Variants in MSS51 observed in about 807,000 individuals in gnomAD.
The protein encoded by MSS51 is MSS51 mitochondrial translational activator, also known as putative protein MSS51 homolog, mitochondrial.
In MSS51, 32 loss-of-function variants were observed where a neutral mutation model predicts 40.2. That is an observed-to-expected ratio of 0.80 (90% CI 0.60 to 1.07). The LOEUF is 1.07. Ranked by LOEUF, MSS51 falls within the 50% of genes least tolerant of loss-of-function variation. The probability of loss-of-function intolerance (pLI) is 0.00; values close to 1 mark genes in which losing one functional copy is unlikely to be tolerated. For missense variants in MSS51, 518 were observed against 568.9 expected (o/e 0.91, Z 0.91); for synonymous variants, 178 against 214.2 (o/e 0.83, Z 1.48).
Position 73,424,738 on chromosome 10 carries a change from C to T in MSS51, c.1198G>A (p.Val400Met), listed in dbSNP as rs1168843345. 1.9e-6 allele frequency: 3 copies of T among 1,613,880 alleles called. No homozygotes were observed. Among genetic ancestry groups the T allele is most frequent in the African/African-American group, 1.3e-5 (1 of 74,872 alleles). Residue 400 changes from valine (V) to methionine (M), a missense_variant, in exon 7 of 7, where the codon GTG becomes ATG. Physicochemically the swap from Val to Met is conservative, Grantham distance 21 (BLOSUM62 1). Transcript: ENST00000299432. The stretch of plus-strand genomic sequence containing the variant: ...GCAGTGATGTGTGTATCCAGTTCCA[C>T]CAGAATCTGCAAAGAGGATACCAAC... Reference protein sequence around the residue: ...QELVSSLQILVELDTHITAFG... With the variant: ...QELVSSLQILMELDTHITAFG...
In MSS51 at chr10:73,425,146, A is replaced by G. The variant is rs777912286; in HGVS notation, c.1115T>C (p.Leu372Pro). The G allele has an allele frequency of 8.1e-6, 13 of 1,608,486 alleles. No homozygotes were observed. The highest frequency in any genetic ancestry group is 1.1e-5 in the Non-Finnish European group (13 of 1,178,386). Residue 372 changes from leucine (L) to proline (P), a missense_variant, in exon 6 of 7, where the codon CTG (leucine) becomes CCG (proline). Physicochemically the swap from Leu to Pro is moderately conservative, Grantham distance 98 (BLOSUM62 -3). Coordinates refer to ENST00000299432, the MANE Select transcript of MSS51 (RefSeq NM_001024593.2). ...AATCTTATAGTCACGAAGTAGCAGC[A>G]GGGTGGGCAGCCAAGCCTCCATCAA... ...PDLMEAWLPTLLLLRDYKIPT... is the reference protein window; with the variant it reads ...PDLMEAWLPTPLLLRDYKIPT...
In MSS51 at chr10:73,425,838, G is replaced by T; in HGVS notation, c.1042C>A (p.Pro348Thr). Residue 348 changes from proline to threonine, a missense_variant, in exon 5 of 7, where the codon CCA becomes ACA. By Grantham distance (38) the Pro-to-Thr change is conservative. Transcript: ENST00000299432. ...EQVETGQTHH[P>T]DLVAAFHPGF... ...GGATGGAATGCCGCCACCAAATCTG[G>T]ATGGTGTGTCTGCCCGGTCTCTACT... 6.2e-7 allele frequency: 1 copy of T among 1,613,874 alleles called. No individual in the cohort carries two copies. Among genetic ancestry groups the T allele is most frequent in the Non-Finnish European group, 8.5e-7 (1 of 1,179,878 alleles).
Position 73,427,775 on chromosome 10 carries a change from A to G in MSS51, c.222-7T>C, listed in dbSNP as rs758958955. 1.9e-6 allele frequency: 3 copies of G among 1,613,456 alleles called. No individual in the cohort carries two copies. Among genetic ancestry groups the G allele is most frequent in the Non-Finnish European group, 2.5e-6 (3 of 1,179,614 alleles). ...ACCCCCATCTACCACCAACCTGCAG[A>G]GACAGCATGGAGAAGGAATGACAAT... On this transcript the variant is annotated splice_region_variant and splice_polypyrimidine_tract_variant and intron_variant, in intron 2 of 6. Transcript: ENST00000299432.
Position 73,424,909 on chromosome 10 carries a change from C to T in MSS51, c.1164-137G>A, listed in dbSNP as rs2055970387. The T allele has an allele frequency of 7.5e-6, 6 of 799,752 alleles. No individual in the cohort carries two copies. The East Asian group carries it at 1.6e-4, about 21-fold the overall frequency. The allele number at this position is 799,752 out of a possible 1,614,324, so 49.5% of individuals were successfully genotyped here. A position where few individuals can be genotyped will look rare whatever the true frequency, so the allele number is the denominator to read the frequency against. ...CTGGACTAGGCAAGGGCTATCTTTC[C>T]CTCCCAAATGTCTCATTAAATATTC... On this transcript the variant is annotated intron_variant, in intron 6 of 6. Coordinates refer to ENST00000299432, the MANE Select transcript of MSS51 (RefSeq NM_001024593.2).
At chr10:73,432,360 G>C (rs756727899) in intron 1 of MSS51, among the ~76,000 whole-genome samples, 1 of 151,938 alleles carries the variant, frequency 6.6e-6, no homozygotes, top group Non-Finnish European at 1.5e-5. Flanking sequence ...CTTAAACCTT[G>C]AAAGAATGAC....
chr10:73,424,412 C>T lies in MSS51; in HGVS notation c.*141G>A, dbSNP rs1228951016. 7.4e-6 allele frequency: 5 copies of T among 678,810 alleles called. No individual in the cohort carries two copies. The highest frequency in any genetic ancestry group is 1.3e-5 in the Non-Finnish European group (5 of 386,962). 42.0% of individuals were successfully genotyped at this position (678,810 alleles called of 1,614,324 possible). ...AGAAACCAGTTATGTTATACAGAAA[C>T]TCTCATTCAGCTTAGAATTTTTACC... On this transcript the variant is annotated 3_prime_UTR_variant, in exon 7 of 7. Transcript: ENST00000299432.
chr10:73,427,914 CT>C, intron 2 of MSS51, 146 bp from the exon 3 acceptor site: 3 of 1,212,244 alleles, frequency 2.5e-6, no homozygotes, highest in East Asian at 2.5e-5. Context: ...AATGTTTCTT[CT>C]TTTATAGTAA....
At chr10:73,424,886 G>A in intron 6 of MSS51, 114 bp from the exon 7 acceptor site, 1 of 912,160 alleles carries the variant, frequency 1.1e-6, no homozygotes, top group African/African-American at 1.7e-5. Flanking sequence ...GCCTAAGGCT[G>A]GACTAGGCAA....
chr10:73,432,115 T>C (rs2132726329), intron 1 of MSS51, among the ~76,000 whole-genome samples: 1 of 152,374 alleles, frequency 6.6e-6, no homozygotes, highest in East Asian at 1.9e-4. Flanking sequence ...CTTGGCTCAC[T>C]GCAACCTCCA....
Position 73,425,176 on chromosome 10 carries a change from G to A in MSS51, c.1085C>T (p.Pro362Leu). Residue 362 changes from proline (P) to leucine (L), a missense_variant, in exon 6 of 7, where the codon CCA becomes CTA. Physicochemically the swap from Pro to Leu is moderately conservative, Grantham distance 98. Transcript: ENST00000299432. Reference sequence around the variant, plus strand: ...GGGCAGCCAAGCCTCCATCAAGTCTGGGGAGGAATGAAAACCTGTGGAACA... The same window carrying A: ...GGGCAGCCAAGCCTCCATCAAGTCTAGGGAGGAATGAAAACCTGTGGAACA... ...AAFHPGFHSS[P>L]DLMEAWLPTL... 1.3e-6 allele frequency: 2 copies of A among 1,595,312 alleles called. No homozygotes were observed. Among genetic ancestry groups the A allele is most frequent in the Non-Finnish European group, 8.5e-7 (1 of 1,173,534 alleles).
intron 3 of MSS51, 44 bp downstream of exon 3, chr10:73,427,569 A>G: frequency 6.4e-7 from 1 of 1,564,342 alleles, no homozygotes. Flanking sequence ...CGGCTAATAC[A>G]GGATCATTTC....
chr10:73,432,195 T>C (rs889109503), intron 1 of MSS51, among the ~76,000 whole-genome samples: 7 of 152,098 alleles, frequency 4.6e-5, no homozygotes, highest in Non-Finnish European at 7.4e-5. Flanking sequence ...CGCGCCACCA[T>C]GCCCAGCTAA....
intron 1 of MSS51, chr10:73,429,744 T>C: frequency 2.2e-6 from 1 of 453,122 alleles, no homozygotes; most frequent in Non-Finnish European, 4.4e-6. Context: ...TCATGTAATA[T>C]ATATTTACTG....
In MSS51 at chr10:73,425,260, T is replaced by G. The variant is rs2055973931; in HGVS notation, c.1070-69A>C. ...AGACCCTAAGAGCAAGATATTTCTT[T>G]GACTGTGAGCACCCCACCCCTCACC... On this transcript the variant is annotated intron_variant, in intron 5 of 6. Coordinates refer to ENST00000299432, the MANE Select transcript of MSS51 (RefSeq NM_001024593.2). 3.0e-6 allele frequency: 3 copies of G among 996,220 alleles called. No individual in the cohort carries two copies. In the African/African-American group the frequency reaches 4.9e-5, roughly 16 times the overall value. The allele number at this position is 996,220 out of a possible 1,614,324, so 61.7% of individuals were successfully genotyped here.
At chr10:73,425,719 G>C in intron 5 of MSS51, 92 bp downstream of exon 5, 1 of 1,058,388 alleles carries the variant, frequency 9.4e-7, no homozygotes, top group Non-Finnish European at 1.4e-6. Context: ...TGTTTAATGA[G>C]ACCAAATGAA....
chr10:73,428,557 A>G (rs1005796722), intron 1 of MSS51, among the ~76,000 whole-genome samples: 1 of 151,984 alleles, frequency 6.6e-6, no homozygotes, highest in Non-Finnish European at 1.5e-5. Flanking sequence ...CAGCAGCATA[A>G]TCTCAGCTCA....
At chr10:73,427,493 G>C in intron 3 of MSS51, 120 bp downstream of exon 3, 1 of 1,056,978 alleles carries the variant, frequency 9.5e-7, no homozygotes. Context: ...GGCCAGGTTG[G>C]CCTCATGTGA....
Position 73,427,605 on chromosome 10 carries a change from C to T in MSS51, c.377+8G>A. ...TGAATGTCTCCCTATTAGCCCCCAA[C>T]AAGTCACCTCTTACAGTGCCGGAGA... is the stretch of plus-strand genomic sequence containing the variant. On this transcript the variant is annotated splice_region_variant and intron_variant, in intron 3 of 6. Coordinates refer to ENST00000299432, the MANE Select transcript of MSS51 (RefSeq NM_001024593.2). The T allele has an allele frequency of 2.5e-6, 4 of 1,601,290 alleles. No homozygotes were observed. Among genetic ancestry groups the T allele is most frequent in the Non-Finnish European group, 3.4e-6 (4 of 1,171,098 alleles).
chr10:73,426,282 C>T lies in MSS51; in HGVS notation c.598G>A (p.Ala200Thr), dbSNP rs779966600. ...CTAACTAGCACAGCATCCAATGTAG[C>T]ATCTAGGTGTAACCCCTTCATAGAA... ...WFSMKGLHLDATLDAVLVSHA... is the reference protein window; with the variant it reads ...WFSMKGLHLDTTLDAVLVSHA... The change falls in exon 5 of 7, where the codon GCT becomes ACT. Residue 200 changes from alanine to threonine, a missense_variant. Physicochemically the swap from Ala to Thr is moderately conservative, Grantham distance 58. Transcript: ENST00000299432. 3.1e-6 allele frequency: 5 copies of T among 1,610,842 alleles called. No homozygotes were observed. The South Asian group carries it at 5.5e-5, about 18-fold the overall frequency.
Sources: allele counts gnomAD v4.1 joint callset (sites outside exome capture counted in the v4.1 genomes callset), GRCh38; gene constraint gnomAD v4.1.1; transcripts MANE v1.5; gene names NCBI Gene and HGNC (gene_info 2026-07-23, HGNC 2026-07-21).